Variants in SMAD6 observed in about 807,000 individuals in gnomAD.
SMAD6 encodes the protein SMAD family member 6.
Under a neutral mutation model 39.4 loss-of-function variants are expected in SMAD6, and 103 were observed. The ratio of observed to expected loss-of-function variants is 2.62; its 90% CI spans 2.23 to 3.08. The LOEUF is 3.08. SMAD6 is among the 30% of genes most tolerant of loss of function. The pLI is 0.00. For synonymous variants in SMAD6, 445 were observed against 353.3 expected (o/e 1.26, Z -2.91); for missense variants, 1,104 against 742.9 (o/e 1.49, Z -5.65).
In SMAD6 at chr15:66,749,234, C is replaced by T. The variant is rs538534116; in HGVS notation, c.953-31763C>T. Among the ~76,000 whole-genome samples the T allele has an allele frequency of 5.3e-5, 8 of 152,138 alleles. No individual in the cohort carries two copies. The East Asian group carries it at 5.8e-4, about 11-fold the overall frequency. On this transcript the variant is annotated intron_variant, in intron 3 of 3. Transcript: ENST00000288840. Reference sequence around the variant, plus strand: ...TAGCACTTTTGGAGACCAAGGCAGGCGGATCATGAGGTCAGGAGTTTGAGA... The same window carrying T: ...TAGCACTTTTGGAGACCAAGGCAGGTGGATCATGAGGTCAGGAGTTTGAGA...
chr15:66,717,862 A>C (rs756405369), intron 3 of SMAD6, among the ~76,000 whole-genome samples: 1 of 152,144 alleles, frequency 6.6e-6, no homozygotes. Context: ...TTCCTTCTCT[A>C]ATAATTTATT....
At chr15:66,778,341 C>T (rs1467834330) in intron 3 of SMAD6, among the ~76,000 whole-genome samples, 3 of 152,194 alleles carry the variant, frequency 2.0e-5, no homozygotes, top group Non-Finnish European at 2.9e-5. Context: ...CTCAGCCTCC[C>T]AGAGTTCCCA....
At chr15:66,710,256 G>A (rs1276178697) in intron 1 of SMAD6, among the ~76,000 whole-genome samples, 1 of 152,206 alleles carries the variant, frequency 6.6e-6, no homozygotes, top group Non-Finnish European at 1.5e-5. Flanking sequence ...TAACTACTCT[G>A]TACCTGAGGT....
At chr15:66,768,584 C>T (rs1894329239) in intron 3 of SMAD6, among the ~76,000 whole-genome samples, 1 of 152,178 alleles carries the variant, frequency 6.6e-6, no homozygotes, top group Admixed American at 6.5e-5. Context: ...AAACAAGGCT[C>T]ACACATAGTA....
Position 66,703,158 on chromosome 15 carries a change from A to G in SMAD6, c.-101A>G. The G allele has an allele frequency of 1.2e-6, 1 of 857,344 alleles. No individual in the cohort carries two copies. Among genetic ancestry groups the G allele is most frequent in the African/African-American group, 1.8e-5 (1 of 56,256 alleles). The allele number at this position is 857,344 out of a possible 1,614,324, so 53.1% of individuals were successfully genotyped here. A position where few individuals can be genotyped will look rare whatever the true frequency, so the allele number is the denominator to read the frequency against. On this transcript the variant is annotated 5_prime_UTR_variant, in exon 1 of 4. The change abolishes an upstream ATG in the 5' untranslated region. Transcript: ENST00000288840. ...GCACGGCGCTCCGCGGCGGAGCTTC[A>G]TGTGGGGCTGCGACCCGCGCAGCCG...
At position 66,702,931 on chromosome 15, in the gene SMAD6, T is replaced by G; in HGVS notation, c.-328T>G. ...AAGGCTCGCCGGCCCATGTGGGGTCTTTCTGGCGGCGCGCCGCCTGCAGCC... is the reference window on the plus strand; with the variant it reads ...AAGGCTCGCCGGCCCATGTGGGGTCGTTCTGGCGGCGCGCCGCCTGCAGCC... On this transcript the variant is annotated 5_prime_UTR_variant, in exon 1 of 4. Transcript: ENST00000288840. The G allele has an allele frequency of 4.3e-6, 1 of 233,290 alleles. No homozygotes were observed. The highest frequency in any genetic ancestry group is 8.3e-6 in the Non-Finnish European group (1 of 120,814). 14.5% of individuals were successfully genotyped at this position (233,290 alleles called of 1,614,324 possible).
intron 3 of SMAD6, among the ~76,000 whole-genome samples, chr15:66,769,527 G>A (rs964490009): frequency 4.6e-5 from 7 of 152,258 alleles, no homozygotes; most frequent in African/African-American, 1.7e-4. Context: ...GGAGCTAAGC[G>A]GCCTGGTGGC....
Position 66,703,305 on chromosome 15 carries a change from G to A in SMAD6, c.47G>A (p.Ser16Asn), listed in dbSNP as rs751508452. The stretch of plus-strand genomic sequence containing the variant: ...GGGCTGGTGCGGCGACTTTGGCGAA[G>A]TCGTGTGGTCCCCGACCGGGAGGAA... The part of the protein sequence containing the change: ...RSGLVRRLWR[S>N]RVVPDREEGG... The change falls in exon 1 of 4, where the codon AGT (serine) becomes AAT (asparagine). Residue 16 changes from serine (S) to asparagine (N), a missense_variant. Ser to Asn is a conservative substitution (Grantham distance 46). Transcript: ENST00000288840. The A allele has an allele frequency of 6.0e-6, 9 of 1,491,326 alleles. No individual in the cohort carries two copies. Among genetic ancestry groups the A allele is most frequent in the Non-Finnish European group, 3.6e-6 (4 of 1,119,858 alleles). 92.4% of individuals were successfully genotyped at this position (1,491,326 alleles called of 1,614,324 possible).
rs772599821 is a variant in SMAD6 at position 66,781,418 on chromosome 15, C to T, written c.1374C>T (p.Pro458=). ...CCGAGCCCGACGCCGCCGACGGCCC[C>T]TACGACCCCAACAGCGTCCGCATCA... ...HAPEPDAADG[P]YDPNSVRISF... Residue 458 remains proline (P), a synonymous_variant, in exon 4 of 4, where the codon CCC becomes CCT. Coordinates refer to ENST00000288840, the MANE Select transcript of SMAD6 (RefSeq NM_005585.5). 1.1e-5 allele frequency: 18 copies of T among 1,604,984 alleles called. 1 individual carries two copies. In the South Asian group the frequency reaches 2.0e-4, roughly 18 times the overall value.
chr15:66,711,290 A>G (rs1303625846), intron 1 of SMAD6, among the ~76,000 whole-genome samples: 2 of 152,184 alleles, frequency 1.3e-5, no homozygotes, highest in African/African-American at 4.8e-5. Flanking sequence ...AGTAACAGTT[A>G]CTGTTTATGG....
chr15:66,778,689 G>A (rs1894508316), intron 3 of SMAD6, among the ~76,000 whole-genome samples: 2 of 152,174 alleles, frequency 1.3e-5, no homozygotes, highest in African/African-American at 2.4e-5. Context: ...GCAGGTTTTA[G>A]GAAGGAGCCA....
Position 66,704,042 on chromosome 15 carries a change from A to G in SMAD6, c.784A>G (p.Asn262Asp). 1.3e-6 allele frequency: 2 copies of G among 1,511,110 alleles called. No homozygotes were observed. Among genetic ancestry groups the G allele is most frequent in the Non-Finnish European group, 1.8e-6 (2 of 1,138,954 alleles). The allele number at this position is 1,511,110 out of a possible 1,614,324, so 93.6% of individuals were successfully genotyped here. ...CGCCGACGGCCCTACCGTGTGCTGC[A>G]ACCCCTACCACTTCAGCCGGCTCTG... is the stretch of plus-strand genomic sequence containing the variant. ...AAADGPTVCC[N>D]PYHFSRLCGP... Residue 262 changes from asparagine (N) to aspartate (D), a missense_variant, in exon 1 of 4, where the codon AAC (asparagine) becomes GAC (aspartate). Transcript: ENST00000288840.
chr15:66,774,134 T>C (rs912937930), intron 3 of SMAD6, among the ~76,000 whole-genome samples: 3 of 152,178 alleles, frequency 2.0e-5, no homozygotes, highest in African/African-American at 7.2e-5. Context: ...CAGGGGTGGC[T>C]GAGTCCAAGG....
At chr15:66,761,285 C>T (rs1439663012) in intron 3 of SMAD6, among the ~76,000 whole-genome samples, 1 of 152,184 alleles carries the variant, frequency 6.6e-6, no homozygotes, top group Admixed American at 6.5e-5. Flanking sequence ...GGGTTGCGAA[C>T]GGGTGTGCAG....
In SMAD6 at chr15:66,781,562, G is replaced by A; in HGVS notation, c.*27G>A. ...GGCGGCCCCGGCGGGAGGGGCGGGTGGGAGGCCGCGGCCACCGCCACCTGC... is the reference window on the plus strand; with the variant it reads ...GGCGGCCCCGGCGGGAGGGGCGGGTAGGAGGCCGCGGCCACCGCCACCTGC... On this transcript the variant is annotated 3_prime_UTR_variant, in exon 4 of 4. Coordinates refer to ENST00000288840, the MANE Select transcript of SMAD6 (RefSeq NM_005585.5). 2 of 1,463,174 alleles carry A rather than the reference G, an allele frequency of 1.4e-6. No individual in the cohort carries two copies. The highest frequency in any genetic ancestry group is 1.8e-6 in the Non-Finnish European group (2 of 1,112,904). 90.6% of individuals were successfully genotyped at this position (1,463,174 alleles called of 1,614,324 possible). A position where few individuals can be genotyped will look rare whatever the true frequency, so the allele number is the denominator to read the frequency against.
At chr15:66,717,440 G>T (rs963420537) in intron 3 of SMAD6, 6 of 455,858 alleles carry the variant, frequency 1.3e-5, no homozygotes, top group Admixed American at 1.2e-4. Flanking sequence ...GACAGCCATG[G>T]GCTGTTTGTC....
At chr15:66,752,471 A>G (rs1220236259) in intron 3 of SMAD6, among the ~76,000 whole-genome samples, 1 of 152,154 alleles carries the variant, frequency 6.6e-6, no homozygotes, top group Non-Finnish European at 1.5e-5. Context: ...AGTTGAATGG[A>G]AGCAGACTCA....
At chr15:66,709,815 T>G (rs1043000485) in intron 1 of SMAD6, among the ~76,000 whole-genome samples, 1 of 152,214 alleles carries the variant, frequency 6.6e-6, no homozygotes, top group African/African-American at 2.4e-5. Flanking sequence ...TCTCTTTTCC[T>G]GTGGAACTCC....
intron 3 of SMAD6, among the ~76,000 whole-genome samples, chr15:66,723,226 G>A (rs537983100): frequency 6.6e-6 from 1 of 152,304 alleles, no homozygotes; most frequent in East Asian, 1.9e-4. Context: ...TAAAGCTTGG[G>A]GGCTGCAGTG....
Sources: gnomAD v4.1 joint callset for allele counts (sites outside exome capture counted in the v4.1 genomes callset) on GRCh38, gnomAD v4.1.1 for gene constraint, MANE v1.5 for transcripts, NCBI Gene and HGNC (gene_info 2026-07-23, HGNC 2026-07-21) for gene names.